Variants in GPD2 observed in about 807,000 individuals in gnomAD.
The protein encoded by GPD2 is glycerol-3-phosphate dehydrogenase, mitochondrial.
GPD2 carries 54 observed loss-of-function variants against 82.4 expected under a neutral mutation model. The ratio of observed to expected loss-of-function variants is 0.66; its 90% CI spans 0.53 to 0.82. GPD2 has a LOEUF of 0.82. Ranked by LOEUF, GPD2 falls within the 40% of genes least tolerant of loss-of-function variation. The pLI, the probability that GPD2 is intolerant of heterozygous loss-of-function variation, is 0.00. For missense variants in GPD2, 748 were observed against 896.2 expected, an observed-to-expected ratio of 0.83 and a Z score of 2.11; for synonymous variants, 288 against 306.1, an observed-to-expected ratio of 0.94 and a Z score of 0.62.
At chr2:156,410,952 G>A in the GPD2 span, among the ~76,000 whole-genome samples, 1 of 152,100 alleles carries the variant, frequency 6.6e-6, no homozygotes, top group Non-Finnish European at 1.5e-5. Context: ...GTCTAACATA[G>A]ACAAATTACT....
upstream of GPD2, among the ~76,000 whole-genome samples, chr2:156,433,373 G>GGATC (rs932525034): frequency 6.6e-5 from 10 of 152,082 alleles, no homozygotes; most frequent in African/African-American, 2.4e-4. Context: ...TGCACTTGAC[G>GGATC]GATCAGCTGG....
chr2:156,480,710 T>A (rs1047290257), intron 2 of GPD2, among the ~76,000 whole-genome samples: 25 of 151,142 alleles, frequency 1.7e-4, no homozygotes, highest in African/African-American at 5.8e-4. Flanking sequence ...AAAATTTTTT[T>A]CCCCCCTGCA....
chr2:156,506,589 TAA>T (rs546400674), intron 3 of GPD2, among the ~76,000 whole-genome samples: 6 of 144,126 alleles, frequency 4.2e-5, no homozygotes, highest in African/African-American at 7.6e-5. Flanking sequence ...TTTGGGAAAT[TAA>T]AAAAAAAAAA....
intron 6 of GPD2, among the ~76,000 whole-genome samples, chr2:156,513,834 C>T (rs573432213): frequency 6.6e-6 from 1 of 152,106 alleles, no homozygotes; most frequent in Non-Finnish European, 1.5e-5. Flanking sequence ...GAATATTTGC[C>T]TTATGAATAT....
intron 6 of GPD2, among the ~76,000 whole-genome samples, chr2:156,546,357 T>A (rs1241661984): frequency 1.3e-5 from 2 of 152,260 alleles, no homozygotes; most frequent in East Asian, 1.9e-4. Flanking sequence ...TGTCAAAAAC[T>A]TTTTTCTCCA....
the GPD2 span, among the ~76,000 whole-genome samples, chr2:156,410,713 T>C: frequency 1.3e-5 from 2 of 152,226 alleles, no homozygotes; most frequent in South Asian, 4.1e-4. Flanking sequence ...TTTACTCATG[T>C]ATGGCAAAGT....
intron 3 of GPD2, among the ~76,000 whole-genome samples, chr2:156,499,246 A>G (rs1294602950): frequency 1.3e-5 from 2 of 152,070 alleles, no homozygotes; most frequent in Non-Finnish European, 2.9e-5. Context: ...TATTATCCAC[A>G]TGAGACATTT....
At chr2:156,459,701 A>AAAAAAAAAG in intron 1 of GPD2, among the ~76,000 whole-genome samples, 2 of 149,414 alleles carry the variant, frequency 1.3e-5, no homozygotes, top group African/African-American at 4.9e-5. Context: ...AAAAAAAAAA[A>AAAAAAAAAG]AAAAAAAAGA....
intron 6 of GPD2, among the ~76,000 whole-genome samples, chr2:156,525,585 T>G (rs1685577298): frequency 6.6e-6 from 1 of 152,250 alleles, no homozygotes; most frequent in Admixed American, 6.5e-5. Context: ...ACTTCAAATT[T>G]AGTATTACAT....
intron 1 of GPD2, among the ~76,000 whole-genome samples, chr2:156,451,900 C>T (rs1319673725): frequency 1.3e-5 from 2 of 149,700 alleles, no homozygotes; most frequent in Non-Finnish European, 3.0e-5. Context: ...CAGAGACGCT[C>T]CTCACCTCCC....
At chr2:156,402,675 T>G in the GPD2 span, among the ~76,000 whole-genome samples, 1 of 151,908 alleles carries the variant, frequency 6.6e-6, no homozygotes, top group Non-Finnish European at 1.5e-5. Context: ...TTTGTTTGTT[T>G]CTTTATTTAT....
At chr2:156,454,908 C>G (rs901732071) in intron 1 of GPD2, among the ~76,000 whole-genome samples, 1 of 152,052 alleles carries the variant, frequency 6.6e-6, no homozygotes, top group Non-Finnish European at 1.5e-5. Context: ...CTCCTGAAGA[C>G]GTAGTGGCCA....
intron 2 of GPD2, among the ~76,000 whole-genome samples, chr2:156,487,725 C>G (rs996746319): frequency 4.6e-5 from 7 of 152,204 alleles, no homozygotes; most frequent in Admixed American, 3.3e-4. Context: ...CCTTCTCTAT[C>G]TACCCCAACC....
intron 6 of GPD2, among the ~76,000 whole-genome samples, chr2:156,519,880 C>T (rs1401442639): frequency 6.6e-6 from 1 of 152,250 alleles, no homozygotes; most frequent in East Asian, 1.9e-4. Flanking sequence ...TGGCAGTTGC[C>T]ATCCAAGATG....
chr2:156,421,292 C>T, the GPD2 span, among the ~76,000 whole-genome samples: 5 of 152,170 alleles, frequency 3.3e-5, no homozygotes, highest in Admixed American at 2.0e-4. Context: ...AATCTGTGTA[C>T]GTACCCTTTA....
intron 6 of GPD2, among the ~76,000 whole-genome samples, chr2:156,539,373 C>T (rs888355236): frequency 1.3e-5 from 2 of 152,132 alleles, no homozygotes; most frequent in Non-Finnish European, 2.9e-5. Context: ...CTCACACATT[C>T]GGAGTCTCCA....
At chr2:156,488,334 T>C (rs1026801516) in intron 2 of GPD2, among the ~76,000 whole-genome samples, 6 of 152,244 alleles carry the variant, frequency 3.9e-5, no homozygotes, top group African/African-American at 1.4e-4. Context: ...TTTAGGAATA[T>C]ATAAATATGG....
intron 1 of GPD2, among the ~76,000 whole-genome samples, chr2:156,437,830 A>C (rs1032753570): frequency 6.6e-6 from 1 of 152,170 alleles, no homozygotes; most frequent in Non-Finnish European, 1.5e-5. Context: ...AGTGTTACCA[A>C]TTGTTAGTGA....
At chr2:156,509,957 A>C (rs1048928095) in intron 3 of GPD2, among the ~76,000 whole-genome samples, 3 of 151,224 alleles carry the variant, frequency 2.0e-5, no homozygotes, top group African/African-American at 7.3e-5. Flanking sequence ...AATTTTTTGT[A>C]TTTTTAGTAG....
Sources: allele counts gnomAD v4.1 joint callset (sites outside exome capture counted in the v4.1 genomes callset), GRCh38; gene constraint gnomAD v4.1.1; transcripts MANE v1.5; gene names NCBI Gene and HGNC (gene_info 2026-07-23, HGNC 2026-07-21).